The following BRINP1 variants were observed in gnomAD, a reference collection of about 807,000 sequenced individuals.
BRINP1 encodes the protein BMP/retinoic acid-inducible neural-specific protein 1.
A neutral mutation model predicts 72.9 loss-of-function variants in BRINP1; 17 were observed. The ratio of observed to expected loss-of-function variants is 0.23; its 90% confidence interval spans 0.16 to 0.35. The LOEUF (loss-of-function observed/expected upper bound fraction) is 0.35. Ranked by LOEUF, BRINP1 falls within the 10% of genes least tolerant of loss-of-function variation. The pLI, the probability that BRINP1 is intolerant of heterozygous loss-of-function variation, is 1.00. For missense variants in BRINP1, 850 were observed against 1,001.6 expected, an observed-to-expected ratio of 0.85 and a Z score of 2.04; for synonymous variants, 418 against 378.5, an observed-to-expected ratio of 1.10 and a Z score of -1.21.
intron 3 of BRINP1, among the ~76,000 whole-genome samples, chr9:119,244,252 G>C (rs1830289692): frequency 6.6e-6 from 1 of 152,188 alleles, no homozygotes; most frequent in African/African-American, 2.4e-5. Context: ...AAGCTTTACT[G>C]TTACGTAGTA....
At chr9:119,332,467 C>G (rs1047812444) in intron 1 of BRINP1, among the ~76,000 whole-genome samples, 1 of 152,168 alleles carries the variant, frequency 6.6e-6, no homozygotes, top group Non-Finnish European at 1.5e-5. Flanking sequence ...TTTAGCCCTT[C>G]TACTAAGGAG....
intron 1 of BRINP1, among the ~76,000 whole-genome samples, chr9:119,355,496 A>G (rs572946142): frequency 4.4e-4 from 67 of 152,248 alleles, no homozygotes; most frequent in South Asian, 1.0e-3. Flanking sequence ...TGGGAGGCCA[A>G]GGTGGGCGAA....
At chr9:119,194,009 C>T (rs556445998) in intron 7 of BRINP1, among the ~76,000 whole-genome samples, 46 of 152,270 alleles carry the variant, frequency 3.0e-4, no homozygotes, top group Middle Eastern at 3.4e-3. Flanking sequence ...TAGGACTACA[C>T]GGAGAGACCT....
intron 1 of BRINP1, among the ~76,000 whole-genome samples, chr9:119,350,872 G>A (rs1831500918): frequency 6.7e-6 from 1 of 150,136 alleles, no homozygotes; most frequent in African/African-American, 2.5e-5. Context: ...TTCAACAAAT[G>A]TATGTCAAAA....
At chr9:119,234,764 G>C (rs1830178123) in intron 5 of BRINP1, among the ~76,000 whole-genome samples, 1 of 151,992 alleles carries the variant, frequency 6.6e-6, no homozygotes, top group Non-Finnish European at 1.5e-5. Flanking sequence ...CCTTCCACTA[G>C]GAGAATATGA....
rs561930711 is a variant in BRINP1 at position 119,338,599 on chromosome 9, G to A, written c.-50-25194C>T. On this transcript the variant is annotated intron_variant, in intron 1 of 7. Transcript: ENST00000265922. ...AAAAACAGGCGGGGTGGGGGCGGGC[G>A]CGGTGGCTCACGCCTGTAATCCCAG... 4.6e-5 allele frequency among the ~76,000 whole-genome samples: 7 copies of A among 151,372 alleles called. No individual in the cohort carries two copies. The East Asian group carries it at 9.8e-4, about 21-fold the overall frequency.
chr9:119,247,524 G>A (rs139490232), intron 3 of BRINP1, among the ~76,000 whole-genome samples: 4 of 152,180 alleles, frequency 2.6e-5, no homozygotes, highest in Admixed American at 6.5e-5. Flanking sequence ...GCATGGTGGT[G>A]GGCGCCTGTA....
intron 3 of BRINP1, among the ~76,000 whole-genome samples, chr9:119,246,624 A>G (rs1348429353): frequency 6.6e-6 from 1 of 152,184 alleles, no homozygotes; most frequent in Non-Finnish European, 1.5e-5. Flanking sequence ...TAATACAGTA[A>G]CACTAAGCTG....
At chr9:119,305,651 A>T (rs2118988006) in intron 2 of BRINP1, among the ~76,000 whole-genome samples, 1 of 152,180 alleles carries the variant, frequency 6.6e-6, no homozygotes, top group African/African-American at 2.4e-5. Flanking sequence ...GCCTTTCCAA[A>T]CATGCCTCTT....
intron 5 of BRINP1, among the ~76,000 whole-genome samples, chr9:119,221,526 C>T (rs189154178): frequency 1.6e-3 from 245 of 152,124 alleles, no homozygotes; most frequent in Non-Finnish European, 2.5e-3. Context: ...GCAGAAAGGG[C>T]GAAAAGGCTA....
intron 2 of BRINP1, among the ~76,000 whole-genome samples, chr9:119,304,604 G>A: frequency 6.6e-6 from 1 of 152,224 alleles, no homozygotes; most frequent in East Asian, 1.9e-4. Context: ...CCTTTTATTA[G>A]ACATACAAAG....
At chr9:119,324,342 T>C (rs1215287839) in intron 1 of BRINP1, among the ~76,000 whole-genome samples, 2 of 152,240 alleles carry the variant, frequency 1.3e-5, no homozygotes, top group Non-Finnish European at 2.9e-5. Context: ...CAGTGGGTTC[T>C]GTTTTTCCTT....
intron 1 of BRINP1, among the ~76,000 whole-genome samples, chr9:119,319,571 T>A (rs1564247278): frequency 6.6e-6 from 1 of 152,204 alleles, no homozygotes; most frequent in Non-Finnish European, 1.5e-5. Flanking sequence ...TGCTGGAGAC[T>A]CCAGATAATA....
At chr9:119,330,931 G>A (rs1831294119) in intron 1 of BRINP1, among the ~76,000 whole-genome samples, 1 of 152,150 alleles carries the variant, frequency 6.6e-6, no homozygotes, top group South Asian at 2.1e-4. Context: ...GGAGGCTGAG[G>A]CAGGAGAATT....
chr9:119,268,692 C>T (rs577019074), intron 2 of BRINP1, among the ~76,000 whole-genome samples: 1 of 152,308 alleles, frequency 6.6e-6, no homozygotes, highest in South Asian at 2.1e-4. Context: ...CTCCAGGCCT[C>T]GGCCCTTTAT....
chr9:119,219,078 A>G (rs1029886498), intron 5 of BRINP1, among the ~76,000 whole-genome samples: 6 of 152,078 alleles, frequency 3.9e-5, no homozygotes, highest in African/African-American at 1.4e-4. Context: ...TCCCTCCCTC[A>G]CCAGACACCA....
intron 2 of BRINP1, among the ~76,000 whole-genome samples, chr9:119,296,292 C>T (rs1830876694): frequency 1.3e-5 from 2 of 152,164 alleles, no homozygotes; most frequent in African/African-American, 2.4e-5. Context: ...CAAAAACATA[C>T]TCAATATCAC....
At chr9:119,341,207 C>T (rs1453825598) in intron 1 of BRINP1, among the ~76,000 whole-genome samples, 8 of 152,174 alleles carry the variant, frequency 5.3e-5, no homozygotes, top group African/African-American at 1.4e-4. Context: ...ATCCCCACAT[C>T]CAGCATTTCA....
chr9:119,247,427 C>T (rs750722035), intron 3 of BRINP1, among the ~76,000 whole-genome samples: 8 of 151,780 alleles, frequency 5.3e-5, no homozygotes, highest in South Asian at 2.1e-4. Flanking sequence ...CCAAGACGGG[C>T]GGATCACGAG....
Sources: gnomAD v4.1 joint callset for allele counts (sites outside exome capture counted in the v4.1 genomes callset) on GRCh38, gnomAD v4.1.1 for gene constraint, MANE v1.5 for transcripts, NCBI Gene and HGNC (gene_info 2026-07-23, HGNC 2026-07-21) for gene names.